The following CEP112 variants were observed in gnomAD, a reference collection of about 807,000 sequenced individuals.
The protein encoded by CEP112 is centrosomal protein of 112 kDa.
In CEP112, 127 loss-of-function variants were observed where a neutral mutation model predicts 153.0. The observed-to-expected ratio is 0.83, with a 90% confidence interval of 0.72 to 0.96. The LOEUF is 0.96. Ranked by LOEUF, CEP112 falls within the 40% of genes least tolerant of loss-of-function variation. The pLI is 0.00. For missense variants in CEP112, 1,089 were observed against 1,101.2 expected (o/e 0.99, Z 0.16); for synonymous variants, 358 against 374.4 (o/e 0.96, Z 0.51).
chr17:66,132,406 C>T (rs1350951876), intron 5 of CEP112, among the ~76,000 whole-genome samples: 1 of 151,852 alleles, frequency 6.6e-6, no homozygotes, highest in African/African-American at 2.4e-5. Flanking sequence ...AAATTCTGAA[C>T]AAAGGGAAAA....
chr17:65,720,160 G>C (rs879156552), intron 23 of CEP112, among the ~76,000 whole-genome samples: 6 of 152,228 alleles, frequency 3.9e-5, no homozygotes, highest in Admixed American at 3.9e-4. Context: ...AGGAACGGCA[G>C]CAGCAGGTTT....
chr17:66,098,222 T>C (rs1344548071), intron 6 of CEP112, among the ~76,000 whole-genome samples: 1 of 152,200 alleles, frequency 6.6e-6, no homozygotes, highest in Non-Finnish European at 1.5e-5. Context: ...TCTTCAATCA[T>C]CCAGTAGTGC....
At chr17:66,101,279 T>C (rs1273034849) in intron 6 of CEP112, among the ~76,000 whole-genome samples, 1 of 152,012 alleles carries the variant, frequency 6.6e-6, no homozygotes, top group East Asian at 1.9e-4. Flanking sequence ...GTAAAGAAAA[T>C]GCAAATCAAA....
intron 20 of CEP112, among the ~76,000 whole-genome samples, chr17:65,891,451 A>G (rs2059462907): frequency 6.6e-6 from 1 of 152,080 alleles, no homozygotes; most frequent in Admixed American, 6.6e-5. Flanking sequence ...TTCCCCGGCA[A>G]TCTTCCTCGT....
chr17:66,087,627 A>G (rs909698381), intron 8 of CEP112, among the ~76,000 whole-genome samples: 2 of 152,246 alleles, frequency 1.3e-5, no homozygotes, highest in East Asian at 1.9e-4. Context: ...AGAAAAATCA[A>G]TTTGAACATA....
At chr17:65,967,741 GT>G (rs1477273144) in intron 17 of CEP112, among the ~76,000 whole-genome samples, 3 of 152,204 alleles carry the variant, frequency 2.0e-5, no homozygotes, top group Admixed American at 6.5e-5. Context: ...ACAGTTTAAA[GT>G]TTATGTAATA....
intron 21 of CEP112, among the ~76,000 whole-genome samples, chr17:65,767,460 T>C (rs187600159): frequency 2.6e-5 from 4 of 151,914 alleles, no homozygotes; most frequent in Non-Finnish European, 5.9e-5. Flanking sequence ...TAGCCTAACA[T>C]TAAGCCTCAC....
chr17:65,883,291 A>C (rs1452466947), intron 20 of CEP112, among the ~76,000 whole-genome samples: 1 of 150,654 alleles, frequency 6.6e-6, no homozygotes, highest in African/African-American at 2.5e-5. Flanking sequence ...TGAAGTGTAT[A>C]TATATATACA....
chr17:65,746,864 C>T (rs2051504822), intron 22 of CEP112, among the ~76,000 whole-genome samples: 2 of 151,982 alleles, frequency 1.3e-5, no homozygotes, highest in Admixed American at 1.3e-4. Flanking sequence ...TAGCACTCAA[C>T]TAAATGTTTA....
At chr17:66,157,599 T>C (rs556292938) in intron 4 of CEP112, among the ~76,000 whole-genome samples, 1 of 148,336 alleles carries the variant, frequency 6.7e-6, no homozygotes, top group Admixed American at 6.8e-5. Context: ...GGATAAAGAG[T>C]CAAGACCCAT....
chr17:65,843,791 G>A (rs2057614253), intron 21 of CEP112, among the ~76,000 whole-genome samples: 1 of 152,136 alleles, frequency 6.6e-6, no homozygotes, highest in African/African-American at 2.4e-5. Context: ...AGAGCACATT[G>A]TAGAAAACGT....
At chr17:65,638,197 C>A (rs1001694866) in intron 25 of CEP112, among the ~76,000 whole-genome samples, 1 of 152,230 alleles carries the variant, frequency 6.6e-6, no homozygotes, top group Non-Finnish European at 1.5e-5. Flanking sequence ...TTAGCATATT[C>A]TCTTAAATCA....
At chr17:65,984,772 T>C (rs1318234688) in intron 17 of CEP112, among the ~76,000 whole-genome samples, 1 of 152,328 alleles carries the variant, frequency 6.6e-6, no homozygotes, top group South Asian at 2.1e-4. Context: ...TTGTATAGCA[T>C]TGCTGTAAGG....
intron 24 of CEP112, among the ~76,000 whole-genome samples, chr17:65,677,234 C>T (rs1490790828): frequency 1.3e-5 from 2 of 152,116 alleles, no homozygotes; most frequent in Non-Finnish European, 2.9e-5. Flanking sequence ...ATTTATTTTC[C>T]TTTATTATAA....
intron 17 of CEP112, among the ~76,000 whole-genome samples, chr17:65,967,936 C>A (rs1017137593): frequency 1.3e-5 from 2 of 152,016 alleles, no homozygotes; most frequent in African/African-American, 2.4e-5. Context: ...TCTTTAAATT[C>A]TTTAAACTTC....
chr17:65,951,749 C>CGCCG (rs371338724), intron 18 of CEP112, among the ~76,000 whole-genome samples: 1 of 106,148 alleles, frequency 9.4e-6, no homozygotes, highest in Non-Finnish European at 2.0e-5. Flanking sequence ...CCCCGCCCCC[C>CGCCG]CCTTTCTTCC....
intron 6 of CEP112, among the ~76,000 whole-genome samples, chr17:66,119,970 A>C (rs2069496644): frequency 6.6e-6 from 1 of 152,052 alleles, no homozygotes; most frequent in Non-Finnish European, 1.5e-5. Context: ...CCCATCTTTT[A>C]ATTAGGTTGT....
intron 4 of CEP112, among the ~76,000 whole-genome samples, chr17:66,157,171 T>C (rs1316382332): frequency 6.6e-6 from 1 of 152,182 alleles, no homozygotes. Context: ...CAGACTAACA[T>C]CGGATCTCTT....
intron 6 of CEP112, among the ~76,000 whole-genome samples, chr17:66,118,413 A>G (rs1002099878): frequency 3.3e-5 from 5 of 152,086 alleles, no homozygotes; most frequent in African/African-American, 1.2e-4. Flanking sequence ...ACATGAATAG[A>G]ACTGGAAGAC....
Sources: allele counts gnomAD v4.1 joint callset (sites outside exome capture counted in the v4.1 genomes callset), GRCh38; gene constraint gnomAD v4.1.1; transcripts MANE v1.5; gene names NCBI Gene and HGNC (gene_info 2026-07-23, HGNC 2026-07-21).